CDH12: variants seen among roughly 807,000 people sequenced by gnomAD.
CDH12 encodes cadherin-12.
Under a neutral mutation model 74.1 loss-of-function variants are expected in CDH12, and 41 were observed. That is an observed-to-expected ratio of 0.55 (90% CI 0.43 to 0.72). The LOEUF is 0.72. Ranked by LOEUF, CDH12 falls within the 30% of genes least tolerant of loss-of-function variation. CDH12 has a pLI of 0.00. For missense variants in CDH12, 945 were observed against 977.2 expected (o/e 0.97, Z 0.44); for synonymous variants, 399 against 355.0 (o/e 1.12, Z -1.39).
At chr5:22,586,760 G>A (rs1740422402) in intron 1 of CDH12, among the ~76,000 whole-genome samples, 1 of 151,506 alleles carries the variant, frequency 6.6e-6, no homozygotes, top group Non-Finnish European at 1.5e-5. Flanking sequence ...CCATTTGGAG[G>A]CTCTGGAAGG....
At chr5:22,533,184 T>A (rs1265068674) in intron 1 of CDH12, among the ~76,000 whole-genome samples, 1 of 152,146 alleles carries the variant, frequency 6.6e-6, no homozygotes, top group Non-Finnish European at 1.5e-5. Context: ...TCAGGGGACA[T>A]TTTTGGTTGT....
At chr5:22,071,721 T>G (rs573801986) in intron 5 of CDH12, among the ~76,000 whole-genome samples, 43 of 152,222 alleles carry the variant, frequency 2.8e-4, no homozygotes, top group African/African-American at 9.4e-4. Context: ...GATTAATGTA[T>G]GTAAATATCT....
chr5:21,883,653 G>A, intron 6 of CDH12: 2 of 1,612,146 alleles, frequency 1.2e-6, no homozygotes, highest in South Asian at 2.2e-5. Flanking sequence ...CAAAGACGAT[G>A]CCATGCTCTT....
chr5:22,774,660 C>A (rs1470341334), intron 1 of CDH12, among the ~76,000 whole-genome samples: 10 of 152,148 alleles, frequency 6.6e-5, no homozygotes, highest in Non-Finnish European at 1.2e-4. Flanking sequence ...ACTTGTTTCT[C>A]CTTGCCTTCA....
chr5:22,738,095 A>C (rs1246455361), intron 1 of CDH12, among the ~76,000 whole-genome samples: 2 of 151,998 alleles, frequency 1.3e-5, no homozygotes, highest in Non-Finnish European at 2.9e-5. Context: ...TGATAATATA[A>C]AACCTTGAGT....
intron 3 of CDH12, among the ~76,000 whole-genome samples, chr5:22,293,092 A>T (rs1336621036): frequency 6.6e-6 from 1 of 151,820 alleles, no homozygotes; most frequent in African/African-American, 2.4e-5. Flanking sequence ...ATCTCTAAAA[A>T]CCCACGTCTG....
At chr5:22,391,305 A>G (rs1180669623) in intron 3 of CDH12, among the ~76,000 whole-genome samples, 2 of 152,218 alleles carry the variant, frequency 1.3e-5, no homozygotes, top group South Asian at 2.1e-4. Context: ...CAAAGGCAAG[A>G]TAAAATATAA....
intron 3 of CDH12, among the ~76,000 whole-genome samples, chr5:22,275,796 A>C (rs572696616): frequency 6.6e-6 from 1 of 152,312 alleles, no homozygotes; most frequent in South Asian, 2.1e-4. Context: ...CAGTAGATGA[A>C]GGCAAGAGAG....
At chr5:22,496,644 A>G (rs1747113009) in intron 2 of CDH12, among the ~76,000 whole-genome samples, 1 of 152,120 alleles carries the variant, frequency 6.6e-6, no homozygotes, top group African/African-American at 2.4e-5. Flanking sequence ...ATCCATCAAC[A>G]CTGCTGTTGT....
chr5:22,737,500 C>T (rs895530834), intron 1 of CDH12, among the ~76,000 whole-genome samples: 9 of 151,532 alleles, frequency 5.9e-5, no homozygotes, highest in East Asian at 1.9e-4. Context: ...CACGTATTTG[C>T]GTAATAAAAA....
At chr5:22,840,681 A>G (rs143803740) in intron 1 of CDH12, among the ~76,000 whole-genome samples, 119 of 152,260 alleles carry the variant, frequency 7.8e-4, no homozygotes, top group Middle Eastern at 3.4e-3. Context: ...AAGTGTTTAC[A>G]TTCCAGAAAG....
At chr5:22,336,755 C>G (rs1002090027) in intron 3 of CDH12, among the ~76,000 whole-genome samples, 12 of 152,204 alleles carry the variant, frequency 7.9e-5, no homozygotes, top group Non-Finnish European at 2.9e-5. Flanking sequence ...GTGGGGCCCT[C>G]ATGAAGAACC....
intron 7 of CDH12, among the ~76,000 whole-genome samples, chr5:21,843,480 T>C (rs890666614): frequency 6.6e-6 from 1 of 152,040 alleles, no homozygotes; most frequent in African/African-American, 2.4e-5. Flanking sequence ...AGCCTTCATT[T>C]ATGCTGCTGC....
At chr5:22,685,375 C>G (rs1741719685) in intron 1 of CDH12, among the ~76,000 whole-genome samples, 1 of 152,054 alleles carries the variant, frequency 6.6e-6, no homozygotes, top group Non-Finnish European at 1.5e-5. Context: ...GTAGCTGGGA[C>G]TACAGGCATA....
intron 1 of CDH12, among the ~76,000 whole-genome samples, chr5:22,792,956 T>C (rs1047459343): frequency 2.0e-5 from 3 of 152,220 alleles, no homozygotes; most frequent in Admixed American, 6.5e-5. Flanking sequence ...AGAACAGTGA[T>C]TTTCACTTTC....
At chr5:22,459,757 G>A (rs1243230676) in intron 2 of CDH12, among the ~76,000 whole-genome samples, 3 of 152,136 alleles carry the variant, frequency 2.0e-5, no homozygotes, top group Admixed American at 2.0e-4. Flanking sequence ...ATGAGGTCAG[G>A]AGATCAAGAC....
At chr5:21,878,060 A>C (rs995355161) in intron 6 of CDH12, among the ~76,000 whole-genome samples, 20 of 152,254 alleles carry the variant, frequency 1.3e-4, no homozygotes, top group South Asian at 6.2e-4. Flanking sequence ...CAGATAAGTA[A>C]TGATAGAAAT....
intron 2 of CDH12, among the ~76,000 whole-genome samples, chr5:22,408,866 T>C (rs1284593482): frequency 6.6e-6 from 1 of 151,926 alleles, no homozygotes; most frequent in Admixed American, 6.6e-5. Context: ...TGGACAATTT[T>C]GTTTCCAATG....
At chr5:22,635,729 C>T (rs1172174699) in intron 1 of CDH12, among the ~76,000 whole-genome samples, 2 of 152,028 alleles carry the variant, frequency 1.3e-5, no homozygotes, top group Admixed American at 6.6e-5. Flanking sequence ...GCCTGACCAA[C>T]ATGGTGAAAC....
Sources: gnomAD v4.1 joint callset for allele counts (sites outside exome capture counted in the v4.1 genomes callset) on GRCh38, gnomAD v4.1.1 for gene constraint, MANE v1.5 for transcripts, NCBI Gene and HGNC (gene_info 2026-07-23, HGNC 2026-07-21) for gene names.